Variants in KIAA0232 observed in about 807,000 individuals in gnomAD.
KIAA0232 encodes KIAA0232.
KIAA0232 carries 27 observed loss-of-function variants against 122.0 expected under a neutral mutation model. That is an observed-to-expected ratio of 0.22 (90% confidence interval 0.16 to 0.31). The LOEUF is 0.31. Ranked by LOEUF, KIAA0232 falls within the 10% of genes least tolerant of loss-of-function variation. The pLI, the probability that KIAA0232 is intolerant of heterozygous loss-of-function variation, is 1.00. For missense variants in KIAA0232, 1,551 were observed against 1,634.2 expected (o/e 0.95, Z 0.88); for synonymous variants, 613 against 587.6 (o/e 1.04, Z -0.63).
At chr4:6,864,813 A>G (rs550303196) in intron 7 of KIAA0232, among the ~76,000 whole-genome samples, 1 of 152,170 alleles carries the variant, frequency 6.6e-6, no homozygotes, top group South Asian at 2.1e-4. Flanking sequence ...CTAACATTCA[A>G]AGTTGATGAA....
intron 1 of KIAA0232, among the ~76,000 whole-genome samples, chr4:6,793,017 A>G (rs1293749505): frequency 6.6e-6 from 1 of 152,030 alleles, no homozygotes; most frequent in African/African-American, 2.4e-5. Flanking sequence ...CAGAACCCAC[A>G]TTATTGTTCT....
intron 3 of KIAA0232, among the ~76,000 whole-genome samples, chr4:6,840,799 T>A (rs1480799607): frequency 2.0e-5 from 3 of 151,694 alleles, no homozygotes; most frequent in Non-Finnish European, 4.4e-5. Flanking sequence ...ATTACAGACA[T>A]GAGCCATCGC....
chr4:6,876,356 G>C (rs970167279), intron 8 of KIAA0232, among the ~76,000 whole-genome samples: 1 of 152,168 alleles, frequency 6.6e-6, no homozygotes, highest in Non-Finnish European at 1.5e-5. Context: ...TCACATTACA[G>C]GTGTGAATAG....
At chr4:6,851,115 GCC>G (rs2108766988) in intron 4 of KIAA0232, among the ~76,000 whole-genome samples, 1 of 152,260 alleles carries the variant, frequency 6.6e-6, no homozygotes, top group East Asian at 1.9e-4. Flanking sequence ...GAAAGCTATG[GCC>G]CTAACCAGAA....
Position 6,880,873 on chromosome 4 carries a change from C to T in KIAA0232, c.4095C>T (p.Ser1365=), listed in dbSNP as rs377087523. Residue 1365 remains serine (S), a synonymous_variant, in exon 10 of 10, where the codon AGC becomes AGT. Coordinates refer to ENST00000307659, the MANE Select transcript of KIAA0232 (RefSeq NM_014743.3). ...SDGFRGKMCS[S]ASSTSEETGS... Reference sequence around the variant, plus strand: ...GCTTCCGCGGAAAGATGTGCTCCAGCGCCAGCTCCACCTCGGAAGAGACAG... The same window carrying T: ...GCTTCCGCGGAAAGATGTGCTCCAGTGCCAGCTCCACCTCGGAAGAGACAG... 34 of 1,607,326 alleles carry T rather than the reference C, an allele frequency of 2.1e-5. No homozygotes were observed. Among genetic ancestry groups the T allele is most frequent in the Non-Finnish European group, 2.7e-5 (32 of 1,176,892 alleles).
chr4:6,823,415 A>G (rs961564753), intron 2 of KIAA0232, among the ~76,000 whole-genome samples: 3 of 152,100 alleles, frequency 2.0e-5, no homozygotes, highest in African/African-American at 7.2e-5. Context: ...AAGTGTTCCT[A>G]TTTCTCCACA....
chr4:6,820,627 T>C lies in KIAA0232; in HGVS notation c.-269-3558T>C, dbSNP rs76573656. On this transcript the variant is annotated intron_variant, in intron 2 of 9. Coordinates refer to ENST00000307659, the MANE Select transcript of KIAA0232 (RefSeq NM_014743.3). ...TTTATCCTACTGTTGGCTTATGTTT[T>C]ACTTATATGTATGTTATTAAATAAA... Among the ~76,000 whole-genome samples the C allele has an allele frequency of 3.1e-3, 475 of 152,066 alleles. 4 individuals are homozygous for C. The highest frequency in any genetic ancestry group is 0.011 in the African/African-American group (454 of 41,448).
intron 7 of KIAA0232, among the ~76,000 whole-genome samples, chr4:6,868,666 C>T (rs1401490138): frequency 6.6e-6 from 1 of 152,190 alleles, no homozygotes; most frequent in Non-Finnish European, 1.5e-5. Context: ...TTTCAGCTTC[C>T]TCCATTGTCT....
intron 1 of KIAA0232, among the ~76,000 whole-genome samples, chr4:6,802,498 A>T (rs1321741346): frequency 2.0e-5 from 3 of 152,062 alleles, no homozygotes; most frequent in African/African-American, 7.2e-5. Flanking sequence ...CTGGAGAAAT[A>T]TGGGGTAAGT....
chr4:6,880,687 C>G (rs916918508), intron 9 of KIAA0232, 100 bp from the exon 10 acceptor site: 1 of 810,846 alleles, frequency 1.2e-6, no homozygotes, highest in Non-Finnish European at 1.8e-6. Flanking sequence ...CAGGAAAACA[C>G]TGATGATTTA....
chr4:6,872,732 C>T (rs1336522883), intron 8 of KIAA0232, among the ~76,000 whole-genome samples: 3 of 152,244 alleles, frequency 2.0e-5, no homozygotes, highest in Admixed American at 2.0e-4. Context: ...TTTGTCACAT[C>T]CCCTCAGCTA....
intron 5 of KIAA0232, among the ~76,000 whole-genome samples, chr4:6,857,850 GT>G (rs1720643038): frequency 6.6e-6 from 1 of 152,082 alleles, no homozygotes; most frequent in African/African-American, 2.4e-5. Context: ...CCTCTTTATG[GT>G]CATTTTGCTG....
intron 2 of KIAA0232, among the ~76,000 whole-genome samples, chr4:6,815,789 T>A (rs973367770): frequency 6.6e-6 from 1 of 152,186 alleles, no homozygotes; most frequent in African/African-American, 2.4e-5. Context: ...CAATCAGATT[T>A]TGGACAAGTT....
chr4:6,861,403 A>G lies in KIAA0232; in HGVS notation c.1021A>G (p.Lys341Glu). The part of the protein sequence containing the change: ...QSRLSLKHGE[K>E]AERNIHTGSS... The stretch of plus-strand genomic sequence containing the variant: ...CAGGCTTTCTTTGAAGCACGGTGAA[A>G]AGGCTGAAAGGAACATTCATACTGG... Residue 341 changes from lysine (K) to glutamate (E), a missense_variant, in exon 7 of 10, where the codon AAG becomes GAG. Physicochemically the swap from Lys to Glu is moderately conservative, Grantham distance 56. This residue lies in a region of KIAA0232 where 377 missense variants were observed against 381.7 expected (regional missense o/e 0.99). Transcript: ENST00000307659. 6.2e-7 allele frequency: 1 copy of G among 1,614,222 alleles called. No individual in the cohort carries two copies. The highest frequency in any genetic ancestry group is 8.5e-7 in the Non-Finnish European group (1 of 1,180,034).
intron 2 of KIAA0232, among the ~76,000 whole-genome samples, chr4:6,811,008 A>T (rs558852970): frequency 1.3e-5 from 2 of 152,330 alleles, no homozygotes; most frequent in South Asian, 4.1e-4. Flanking sequence ...GTGGGAATAT[A>T]AATTAGTATA....
intron 2 of KIAA0232, among the ~76,000 whole-genome samples, chr4:6,811,749 T>A (rs903932528): frequency 1.2e-3 from 50 of 41,626 alleles, no homozygotes; most frequent in African/African-American, 5.4e-3. Flanking sequence ...CTGGCCTAAT[T>A]TTTTTTTTTT....
At chr4:6,836,585 G>GT (rs1335713075) in intron 3 of KIAA0232, among the ~76,000 whole-genome samples, 1 of 117,424 alleles carries the variant, frequency 8.5e-6, no homozygotes, top group African/African-American at 3.3e-5. Context: ...ATTCTTGGGT[G>GT]TTTCTCGGAG....
At chr4:6,844,084 C>A (rs918328074) in intron 4 of KIAA0232, among the ~76,000 whole-genome samples, 4 of 151,440 alleles carry the variant, frequency 2.6e-5, no homozygotes, top group African/African-American at 9.7e-5. Flanking sequence ...GGACTACAGG[C>A]GCCCGCCACC....
At chr4:6,791,107 A>G (rs1351992580) in intron 1 of KIAA0232, among the ~76,000 whole-genome samples, 2 of 150,162 alleles carry the variant, frequency 1.3e-5, no homozygotes, top group Non-Finnish European at 3.0e-5. Flanking sequence ...TTTAGTAGAG[A>G]TGGGGTTTTG....
Sources: allele counts gnomAD v4.1 joint callset (sites outside exome capture counted in the v4.1 genomes callset), GRCh38; gene constraint gnomAD v4.1.1; regional missense constraint gnomAD v4.1.1; transcripts MANE v1.5; gene names NCBI Gene and HGNC (gene_info 2026-07-23, HGNC 2026-07-21).